NEK6: variants seen among roughly 807,000 people sequenced by gnomAD.
The protein encoded by NEK6 is serine/threonine-protein kinase Nek6.
In NEK6, 27 loss-of-function variants were observed where a neutral mutation model predicts 43.5. The ratio of observed to expected loss-of-function variants is 0.62; its 90% CI spans 0.46 to 0.86. The LOEUF is 0.86. NEK6 is among the 40% of genes least tolerant of loss of function. The pLI is 0.00. For synonymous variants in NEK6, 167 were observed against 164.1 expected (o/e 1.02, Z -0.14); for missense variants, 318 against 414.4 (o/e 0.77, Z 2.02).
intron 1 of NEK6, among the ~76,000 whole-genome samples, chr9:124,273,096 C>T (rs376519834): frequency 3.3e-5 from 5 of 152,266 alleles, no homozygotes; most frequent in South Asian, 2.1e-4. Context: ...ACCATTTCCG[C>T]GTGAGCCAGG....
chr9:124,266,869 G>A (rs1344030496), intron 1 of NEK6, among the ~76,000 whole-genome samples: 1 of 152,212 alleles, frequency 6.6e-6, no homozygotes, highest in Non-Finnish European at 1.5e-5. Context: ...CCTTCCCTGG[G>A]AGAAGAGGTT....
intron 8 of NEK6, among the ~76,000 whole-genome samples, chr9:124,341,880 C>T (rs1231882921): frequency 1.3e-5 from 2 of 152,188 alleles, no homozygotes; most frequent in Non-Finnish European, 2.9e-5. Context: ...TGTGCCTGCA[C>T]ATTCCGAACA....
At chr9:124,286,811 G>A (rs1346370700) in intron 1 of NEK6, among the ~76,000 whole-genome samples, 1 of 152,206 alleles carries the variant, frequency 6.6e-6, no homozygotes, top group Non-Finnish European at 1.5e-5. Context: ...GTGTGAGTCT[G>A]TCTCCGAAGC....
chr9:124,328,989 C>A (rs1254937032), intron 7 of NEK6, among the ~76,000 whole-genome samples: 3 of 152,202 alleles, frequency 2.0e-5, no homozygotes, highest in Non-Finnish European at 4.4e-5. Context: ...GAGGAAGAAT[C>A]AGAAATCCAG....
intron 1 of NEK6, among the ~76,000 whole-genome samples, chr9:124,289,258 A>T (rs1288951037): frequency 7.0e-6 from 1 of 143,266 alleles, no homozygotes; most frequent in Non-Finnish European, 1.5e-5. Context: ...TCCTTCGCTG[A>T]GGGGAGGGTG....
chr9:124,325,616 G>T (rs988536807), intron 5 of NEK6, among the ~76,000 whole-genome samples: 19 of 152,280 alleles, frequency 1.2e-4, no homozygotes, highest in Admixed American at 1.0e-3. Flanking sequence ...AGCCGTGGCT[G>T]TCACATGCTC....
At chr9:124,270,984 G>A (rs1368636384) in intron 1 of NEK6, among the ~76,000 whole-genome samples, 1 of 152,220 alleles carries the variant, frequency 6.6e-6, no homozygotes, top group Non-Finnish European at 1.5e-5. Flanking sequence ...ATTTCACACA[G>A]AGCAAGGGCC....
intron 1 of NEK6, among the ~76,000 whole-genome samples, chr9:124,300,598 C>G (rs1832918078): frequency 6.6e-6 from 1 of 152,104 alleles, no homozygotes; most frequent in African/African-American, 2.4e-5. Flanking sequence ...TTATGAAGTG[C>G]CCCTGGGAGA....
upstream of NEK6, chr9:124,257,929 GGGCGCGCGGGCCCGCGCA>G: frequency 1.0e-6 from 1 of 975,384 alleles, no homozygotes; most frequent in Non-Finnish European, 1.2e-6. Context: ...GCGGGCGCGC[GGGCGCGCGGGCCCGCGCA>G]GGCGGTGGCG....
chr9:124,313,928 T>C lies in NEK6; in HGVS notation c.237T>C (p.Phe79=), dbSNP rs1386238966. ...TCTTTTTCCTCCCGCCCAAGATCTT[T>C]GAGATGATGGACGCCAAGGCGAGGC... ...KTVALKKVQI[F]EMMDAKARQD... The change falls in exon 4 of 10, where the codon TTT becomes TTC. Residue 79 remains phenylalanine, a synonymous_variant. Transcript: ENST00000320246. 1 of 1,614,006 alleles carries C rather than the reference T, an allele frequency of 6.2e-7. No individual in the cohort carries two copies. Among genetic ancestry groups the C allele is most frequent in the Admixed American group, 1.7e-5 (1 of 60,020 alleles).
At chr9:124,278,034 A>C (rs1020536478) in intron 1 of NEK6, among the ~76,000 whole-genome samples, 2 of 152,226 alleles carry the variant, frequency 1.3e-5, no homozygotes, top group African/African-American at 4.8e-5. Context: ...TCAACAGCAG[A>C]CTGCGTATGT....
At position 124,325,490 on chromosome 9, in the gene NEK6, G is replaced by A. The variant is rs1014126667; in HGVS notation, c.406-840G>A. On this transcript the variant is annotated intron_variant, in intron 5 of 9. Transcript: ENST00000320246. Reference sequence around the variant, plus strand: ...GCCTCTGCCTGCTTTGGGGAAAGGTGGTTGCTTTGAAGCAAAAAGCCCCTG... The same window carrying A: ...GCCTCTGCCTGCTTTGGGGAAAGGTAGTTGCTTTGAAGCAAAAAGCCCCTG... Among the ~76,000 whole-genome samples, 8 of 152,344 alleles carry A rather than the reference G, an allele frequency of 5.3e-5. 2 individuals carry two copies. The highest frequency in any genetic ancestry group is 5.2e-4 in the Admixed American group (8 of 15,306).
intron 7 of NEK6, among the ~76,000 whole-genome samples, chr9:124,336,496 G>T (rs1292095314): frequency 6.6e-6 from 1 of 152,066 alleles, no homozygotes; most frequent in African/African-American, 2.4e-5. Flanking sequence ...AAACCCTGAG[G>T]CCTCGGCCCG....
chr9:124,283,157 C>T (rs992678666), intron 1 of NEK6, among the ~76,000 whole-genome samples: 1 of 152,234 alleles, frequency 6.6e-6, no homozygotes, highest in African/African-American at 2.4e-5. Flanking sequence ...AAGTAGGAGG[C>T]ACAGTTCCAG....
chr9:124,326,372 T>C lies in NEK6; in HGVS notation c.448T>C (p.Trp150Arg). ...QKRLIPERTV[W>R]KYFVQLCSAV... is the part of the protein sequence containing the mutation. ...GCGGCTCATCCCGGAGAGGACAGTA[T>C]GGAAGTACTTTGTGCAGCTGTGCAG... Residue 150 changes from tryptophan (W) to arginine (R), a missense_variant, in exon 6 of 10, where the codon TGG becomes CGG. Around this residue, in one of 2 missense-constraint regions of NEK6, gnomAD observed 239 missense variants for 344.4 expected, o/e 0.69. Coordinates refer to ENST00000320246, the MANE Select transcript of NEK6 (RefSeq NM_014397.6). This position sits in a 1 kb window ranked among gnomAD's most constrained non-coding sequence, Gnocchi z 4.5. 1.2e-6 allele frequency: 2 copies of C among 1,611,784 alleles called. No individual in the cohort carries two copies. Among genetic ancestry groups the C allele is most frequent in the Non-Finnish European group, 1.7e-6 (2 of 1,179,888 alleles).
At chr9:124,341,923 G>A (rs994362668) in intron 8 of NEK6, among the ~76,000 whole-genome samples, 5 of 152,292 alleles carry the variant, frequency 3.3e-5, no homozygotes, top group South Asian at 4.2e-4. Context: ...GTTATTTTGC[G>A]GAGAAGACGT....
chr9:124,325,433 G>A (rs932420729), intron 5 of NEK6, among the ~76,000 whole-genome samples: 16 of 152,238 alleles, frequency 1.1e-4, no homozygotes, highest in Admixed American at 5.2e-4. Flanking sequence ...CAGCACCAGA[G>A]CAGCTGCCCT....
At chr9:124,311,267 C>G (rs575423368) in intron 2 of NEK6, among the ~76,000 whole-genome samples, 1 of 152,372 alleles carries the variant, frequency 6.6e-6, no homozygotes, top group South Asian at 2.1e-4. Context: ...CAAAGACCCA[C>G]TTCATGCTAG....
intron 4 of NEK6, 54 bp from the exon 5 acceptor site, chr9:124,321,405 G>A: frequency 8.3e-7 from 1 of 1,207,280 alleles, no homozygotes; most frequent in Non-Finnish European, 1.2e-6. Flanking sequence ...GGCAGGCACT[G>A]GGTCTGTCCC....
Sources: allele counts gnomAD v4.1 joint callset (sites outside exome capture counted in the v4.1 genomes callset), GRCh38; gene constraint gnomAD v4.1.1; regional missense constraint gnomAD v4.1.1; non-coding constraint Gnocchi (gnomAD v3.1); transcripts MANE v1.5; gene names NCBI Gene and HGNC (gene_info 2026-07-23, HGNC 2026-07-21).